Variants in SBNO2 observed in about 807,000 individuals in gnomAD.
SBNO2 encodes strawberry notch homolog 2.
In SBNO2, 89 loss-of-function variants were observed where a neutral mutation model predicts 146.3. That is an observed-to-expected ratio of 0.61 (90% CI 0.51 to 0.73). The LOEUF is 0.73. Among genes scored for constraint, SBNO2 ranks in the 30% least tolerant of loss-of-function variants. SBNO2 has a pLI of 0.00. For missense variants in SBNO2, 2,092 were observed against 2,003.7 expected (o/e 1.04, Z -0.84); for synonymous variants, 1,147 against 892.6 (o/e 1.29, Z -5.08).
chr19:1,110,215 T>G lies in SBNO2; in HGVS notation c.3029-438A>C, dbSNP rs1188448311. 1.3e-5 allele frequency among the ~76,000 whole-genome samples: 2 copies of G among 152,076 alleles called. No homozygotes were observed. The highest frequency in any genetic ancestry group is 2.9e-5 in the Non-Finnish European group (2 of 67,988). On this transcript the variant is annotated intron_variant, in intron 26 of 31. Transcript: ENST00000361757. This position sits in a 1 kb window ranked among gnomAD's most constrained non-coding sequence, Gnocchi z 4.9. ...GCTGCGGCACTGCTCATGAGTGAAG[T>G]AGCCATGGCCCGGACCCGACCCTCA... is the stretch of plus-strand genomic sequence containing the variant.
At chr19:1,174,072 C>CGGGCGCAGGGGTCCGCGGG (rs1478001425) in intron 1 of SBNO2, 100 bp downstream of exon 1, 1 of 150,954 alleles carries the variant, frequency 6.6e-6, no homozygotes, top group Non-Finnish European at 1.5e-5. Flanking sequence ...CCCCCAGCCC[C>CGGGCGCAGGGGTCCGCGGG]GGGCGCAGGG....
At position 1,113,678 on chromosome 19, in the gene SBNO2, G is replaced by C; in HGVS notation, c.2104C>G (p.Pro702Ala). ...CGCTCCAGGACCCCGGGGCCATGCG[G>C]GTCTCTCTGCAGGAGGCACAGGGGT... is the stretch of plus-strand genomic sequence containing the variant. ...RGPLCLLQRD[P>A]HGPGVLERVE... is the part of the protein sequence containing the mutation. Residue 702 changes from proline to alanine, a missense_variant, in exon 19 of 32, where the codon CCG (proline) becomes GCG (alanine). Pro to Ala is a conservative substitution (Grantham distance 27). Coordinates refer to ENST00000361757, the MANE Select transcript of SBNO2 (RefSeq NM_014963.3). 1.9e-6 allele frequency: 3 copies of C among 1,591,064 alleles called. No individual in the cohort carries two copies. The highest frequency in any genetic ancestry group is 2.6e-6 in the Non-Finnish European group (3 of 1,169,914).
intron 4 of SBNO2, among the ~76,000 whole-genome samples, chr19:1,147,105 G>A (rs1011332328): frequency 1.1e-4 from 16 of 152,096 alleles, no homozygotes; most frequent in South Asian, 4.1e-4. Context: ...CTGCTGACAC[G>A]AAGGGCCAGT....
At position 1,171,947 on chromosome 19, in the gene SBNO2, C is replaced by T. The variant is rs964198560; in HGVS notation, c.-127+2225G>A. Among the ~76,000 whole-genome samples the T allele has an allele frequency of 2.6e-5, 4 of 152,128 alleles. No homozygotes were observed. The East Asian group carries it at 7.7e-4, about 29-fold the overall frequency. Reference sequence around the variant, plus strand: ...AGCCAACCAAGAGTGAATGGATGAACGGAGAGGCCAGACCCCAAAGCAAAC... The same window carrying T: ...AGCCAACCAAGAGTGAATGGATGAATGGAGAGGCCAGACCCCAAAGCAAAC... On this transcript the variant is annotated intron_variant, in intron 1 of 31. Transcript: ENST00000361757.
rs967764075 is a variant in SBNO2 at position 1,150,743 on chromosome 19, GGGGCTC to G, written c.94-1307_94-1302del. 3.7e-4 allele frequency among the ~76,000 whole-genome samples: 56 copies of G among 152,242 alleles called. 1 individual carries two copies. The highest frequency in any genetic ancestry group is 1.3e-3 in the African/African-American group (53 of 41,552). ...CTATGAGGCCCTGATGCAATTCCCT[GGGGCTC>G]GGCCACCTCTGCCCCTCATTCACCT... On this transcript the variant is annotated intron_variant, in intron 2 of 31. Coordinates refer to ENST00000361757, the MANE Select transcript of SBNO2 (RefSeq NM_014963.3). The surrounding 1 kb of genome is among the most constrained non-coding windows in gnomAD (Gnocchi z 6.2).
At chr19:1,117,723 C>G (rs1252618275) in intron 14 of SBNO2, among the ~76,000 whole-genome samples, 1 of 152,274 alleles carries the variant, frequency 6.6e-6, no homozygotes, top group Non-Finnish European at 1.5e-5. Flanking sequence ...GTGCTGCAAA[C>G]TGCACAGACT....
chr19:1,119,203 C>A (rs2079869168), intron 13 of SBNO2, 39 bp from the exon 14 acceptor site: 1 of 1,564,294 alleles, frequency 6.4e-7, no homozygotes, highest in Non-Finnish European at 8.6e-7. Context: ...CGGCCAGAGC[C>A]CGTGGGGATG....
At position 1,109,017 on chromosome 19, in the gene SBNO2, G is replaced by A. The variant is rs1441375755; in HGVS notation, c.3426-48C>T. The A allele has an allele frequency of 6.7e-7, 1 of 1,488,112 alleles. No individual in the cohort carries two copies. The highest frequency in any genetic ancestry group is 8.9e-7 in the Non-Finnish European group (1 of 1,121,614). The allele number at this position is 1,488,112 out of a possible 1,614,324, so 92.2% of individuals were successfully genotyped here. ...CGGCTCAGGCGGGTCCCAGGGGCCC[G>A]CAGGCTCCCCAGGTGCCCTGAGATC... On this transcript the variant is annotated intron_variant, in intron 30 of 31. Coordinates refer to ENST00000361757, the MANE Select transcript of SBNO2 (RefSeq NM_014963.3). The surrounding 1 kb of genome is among the most constrained non-coding windows in gnomAD (Gnocchi z 4.2).
At chr19:1,118,551 T>A (rs551794441) in intron 14 of SBNO2, among the ~76,000 whole-genome samples, 1 of 151,420 alleles carries the variant, frequency 6.6e-6, no homozygotes, top group African/African-American at 2.4e-5. Context: ...TTTGGTCCCA[T>A]CCCTCGTTAT....
chr19:1,119,489 C>G (rs773626925), intron 13 of SBNO2, 27 bp downstream of exon 13: 2 of 1,515,286 alleles, frequency 1.3e-6, no homozygotes, highest in South Asian at 2.3e-5. Context: ...CCCGCCGCCC[C>G]TCCACGTGGG....
At chr19:1,113,058 C>G in intron 19 of SBNO2, 109 bp from the exon 20 acceptor site, 5 of 1,323,132 alleles carry the variant, frequency 3.8e-6, no homozygotes, top group Non-Finnish European at 5.1e-6. Flanking sequence ...GGGCTCCCAG[C>G]TGTGCACGGG....
intron 4 of SBNO2, chr19:1,132,121 T>C: frequency 1.3e-6 from 2 of 1,531,802 alleles, no homozygotes; most frequent in Non-Finnish European, 1.7e-6. Flanking sequence ...CAGCCACAGC[T>C]GCAGCTGGGA....
intron 1 of SBNO2, among the ~76,000 whole-genome samples, chr19:1,166,613 ACGCGCAC>A (rs1456951659): frequency 2.6e-5 from 1 of 37,982 alleles, no homozygotes; most frequent in Non-Finnish European, 5.9e-5. Flanking sequence ...CCGCAACTGC[ACGCGCAC>A]ACACACACAC....
In SBNO2 at chr19:1,122,924, C is replaced by T. The variant is rs963746911; in HGVS notation, c.750G>A (p.Leu250=). The part of the protein sequence containing the change: ...LPSDSGALSA[L]QLEAITYACQ... ...AGGCGTAGGTGATGGCCTCTAGCTG[C>T]AGGGCAGACAGGGCCCCGCTGTCCG... is the stretch of plus-strand genomic sequence containing the variant. Residue 250 remains leucine, a synonymous_variant, in exon 8 of 32, where the codon CTG becomes CTA. Coordinates refer to ENST00000361757, the MANE Select transcript of SBNO2 (RefSeq NM_014963.3). 1.3e-6 allele frequency: 2 copies of T among 1,555,204 alleles called. No individual in the cohort carries two copies. Among genetic ancestry groups the T allele is most frequent in the Non-Finnish European group, 1.7e-6 (2 of 1,150,102 alleles).
At chr19:1,164,618 G>GA (rs1275804616) in intron 1 of SBNO2, among the ~76,000 whole-genome samples, 1 of 143,688 alleles carries the variant, frequency 7.0e-6, no homozygotes, top group African/African-American at 2.6e-5. Context: ...GGAGGAGGAG[G>GA]AGGAACAGGA....
In SBNO2 at chr19:1,110,627, C is replaced by G; in HGVS notation, c.3028+118G>C. 1 of 1,307,806 alleles carries G rather than the reference C, an allele frequency of 7.6e-7. No homozygotes were observed. 81.0% of individuals were successfully genotyped at this position (1,307,806 alleles called of 1,614,324 possible). A position where few individuals can be genotyped will look rare whatever the true frequency, so the allele number is the denominator to read the frequency against. ...GGATGCACGGTGTTCCCACGAGCCC[C>G]TCGCCCACCCGGGATGCCCGGTGTT... On this transcript the variant is annotated intron_variant, in intron 26 of 31. Transcript: ENST00000361757. The surrounding 1 kb of genome is among the most constrained non-coding windows in gnomAD (Gnocchi z 4.9).
intron 4 of SBNO2, among the ~76,000 whole-genome samples, chr19:1,146,364 T>G (rs2080189840): frequency 6.6e-6 from 1 of 152,012 alleles, no homozygotes; most frequent in Non-Finnish European, 1.5e-5. Context: ...AGGGCCTGGG[T>G]CTGGGTGAGC....
Position 1,117,312 on chromosome 19 carries a change from C to A in SBNO2, c.1704+11G>T. ...GGCCGCCCTCAGCCCTCGAAGGCCG[C>A]AGCCGCTCACCTTGTCTCGCGCCAG... On this transcript the variant is annotated intron_variant, in intron 15 of 31. Transcript: ENST00000361757. The A allele has an allele frequency of 6.4e-7, 1 of 1,554,690 alleles. No homozygotes were observed.
Position 1,108,582 on chromosome 19 carries a change from G to C in SBNO2, c.3739C>G (p.Leu1247Val), listed in dbSNP as rs1430540530. 9.5e-6 allele frequency: 12 copies of C among 1,266,708 alleles called. No individual in the cohort carries two copies. The highest frequency in any genetic ancestry group is 1.2e-5 in the Non-Finnish European group (12 of 1,009,382). 78.5% of individuals were successfully genotyped at this position (1,266,708 alleles called of 1,614,324 possible). A position where few individuals can be genotyped will look rare whatever the true frequency, so the allele number is the denominator to read the frequency against. ...GCPAPPAPRP[L>V]ALPCGPGEVL... ...TCTCCGGGGCCGCAAGGCAGCGCCA[G>C]CGGGCGCGGGGCGGGCGGGGCGGGG... The change falls in exon 32 of 32, where the codon CTG (leucine) becomes GTG (valine). Residue 1247 changes from leucine to valine, a missense_variant. Transcript: ENST00000361757.
Sources: allele counts gnomAD v4.1 joint callset (sites outside exome capture counted in the v4.1 genomes callset), GRCh38; gene constraint gnomAD v4.1.1; non-coding constraint Gnocchi (gnomAD v3.1); transcripts MANE v1.5; gene names NCBI Gene and HGNC (gene_info 2026-07-23, HGNC 2026-07-21).